The following SHANK2 variants were observed in gnomAD, a reference collection of about 807,000 sequenced individuals.
SHANK2 encodes the protein SH3 and multiple ankyrin repeat domains protein 2.
SHANK2 carries 43 observed loss-of-function variants against 133.7 expected under a neutral mutation model. The ratio of observed to expected loss-of-function variants is 0.32; its 90% CI spans 0.25 to 0.41. The LOEUF (loss-of-function observed/expected upper bound fraction) is 0.41, where lower values mean the gene tolerates loss of function less well. Ranked by LOEUF, SHANK2 falls within the 10% of genes least tolerant of loss-of-function variation. The pLI is 1.00. For synonymous variants in SHANK2, 1,017 were observed against 952.8 expected, an observed-to-expected ratio of 1.07 and a Z score of -1.24; for missense variants, 1,994 against 2,235.8, an observed-to-expected ratio of 0.89 and a Z score of 2.18.
chr11:71,083,267 C>T (rs917537368), intron 8 of SHANK2, among the ~76,000 whole-genome samples: 109 of 152,138 alleles, frequency 7.2e-4, no homozygotes, highest in African/African-American at 2.5e-3. Context: ...CTAATGATGA[C>T]GTCAGACGTG....
intron 2 of SHANK2, among the ~76,000 whole-genome samples, chr11:71,220,636 A>T (rs1182305954): frequency 6.6e-6 from 1 of 152,178 alleles, no homozygotes; most frequent in African/African-American, 2.4e-5. Context: ...TACAATGTGG[A>T]TGACCCTGGA....
At chr11:70,913,688 T>C (rs1023798721) in intron 10 of SHANK2, among the ~76,000 whole-genome samples, 5 of 152,186 alleles carry the variant, frequency 3.3e-5, no homozygotes, top group African/African-American at 1.2e-4. Context: ...AAGAGAAGAT[T>C]CTGAGTTTAG....
intron 17 of SHANK2, among the ~76,000 whole-genome samples, chr11:70,527,222 T>A (rs2059410510): frequency 6.6e-6 from 1 of 152,102 alleles, no homozygotes; most frequent in Non-Finnish European, 1.5e-5. Context: ...TCTGCCTGGG[T>A]CCTGTCCCTG....
intron 10 of SHANK2, chr11:70,910,986 C>G (rs1555078890): frequency 2.2e-6 from 1 of 456,884 alleles, no homozygotes; most frequent in Admixed American, 2.3e-5. Context: ...ATGATGCATC[C>G]CTCTCTAAAC....
intron 14 of SHANK2, among the ~76,000 whole-genome samples, chr11:70,731,741 C>A (rs1555032253): frequency 6.6e-6 from 1 of 152,206 alleles, no homozygotes; most frequent in East Asian, 1.9e-4. Flanking sequence ...GTCTGGACAC[C>A]TGTTTTTAAT....
intron 11 of SHANK2, among the ~76,000 whole-genome samples, chr11:70,867,705 C>T (rs1949389942): frequency 6.6e-6 from 1 of 152,232 alleles, no homozygotes; most frequent in African/African-American, 2.4e-5. Context: ...AAAGCTTTAA[C>T]ATTTACCCAG....
rs112964753 is a variant in SHANK2, at chr11:71,091,404, G to A, written c.912+1018C>T. On this transcript the variant is annotated intron_variant, in intron 8 of 25. Transcript: ENST00000601538. ...CCAGTCTGACCACAGTGGGCAGAGT[G>A]CATAACCTCCCTTACAGGTGTGTAA... 2.4e-3 allele frequency among the ~76,000 whole-genome samples: 367 copies of A among 152,326 alleles called. 4 individuals are homozygous for A. Among genetic ancestry groups the A allele is most frequent in the African/African-American group, 8.3e-3 (347 of 41,564 alleles).
At chr11:70,836,135 G>C (rs559813685) in intron 11 of SHANK2, among the ~76,000 whole-genome samples, 15 of 152,290 alleles carry the variant, frequency 9.8e-5, no homozygotes, top group Admixed American at 9.8e-4. Context: ...CTTGCCCATG[G>C]GGGGCCAGGG....
At position 70,757,447 on chromosome 11, in the gene SHANK2, G is replaced by A. The variant is rs563123314; in HGVS notation, c.1777+40996C>T. Reference sequence around the variant, plus strand: ...AAATGTCCCCTACATGGAGAGGCCGGGACACCCAGCCCTGCGGCAGCAGCT... The same window carrying A: ...AAATGTCCCCTACATGGAGAGGCCGAGACACCCAGCCCTGCGGCAGCAGCT... On this transcript the variant is annotated intron_variant, in intron 14 of 25. Coordinates refer to ENST00000601538, the MANE Select transcript of SHANK2 (RefSeq NM_012309.5). 8.5e-5 allele frequency among the ~76,000 whole-genome samples: 13 copies of A among 152,372 alleles called. No homozygotes were observed. The East Asian group carries it at 2.5e-3, about 29-fold the overall frequency.
intron 21 of SHANK2, among the ~76,000 whole-genome samples, chr11:70,499,543 G>C (rs1421758234): frequency 6.6e-6 from 1 of 152,246 alleles, no homozygotes; most frequent in African/African-American, 2.4e-5. Context: ...CCATGGTGGG[G>C]CATCTTCCTC....
upstream of SHANK2, among the ~76,000 whole-genome samples, chr11:71,253,037 G>A (rs1220923601): frequency 6.6e-6 from 1 of 152,226 alleles, no homozygotes; most frequent in African/African-American, 2.4e-5. Flanking sequence ...CTTTGTACCC[G>A]GGTGATACGC....
chr11:70,551,035 G>C (rs1438404356), intron 17 of SHANK2, among the ~76,000 whole-genome samples: 1 of 152,208 alleles, frequency 6.6e-6, no homozygotes, highest in Non-Finnish European at 1.5e-5. Context: ...AGCGGGGAGG[G>C]CCAAGGGGCT....
rs544344513 is a variant in SHANK2, at chr11:70,592,398, G to T, written c.2061+67430C>A. ...AGAGGCAGGACTTCTGCTGACTCGG[G>T]TGGAGCTTCCACGCAGGCTTTTGGG... is the stretch of plus-strand genomic sequence containing the variant. On this transcript the variant is annotated intron_variant, in intron 17 of 25. Transcript: ENST00000601538. Among the ~76,000 whole-genome samples, 3 of 152,316 alleles carry T rather than the reference G, an allele frequency of 2.0e-5. No homozygotes were observed. The South Asian group carries it at 6.2e-4, about 32-fold the overall frequency.
chr11:71,199,696 G>A (rs906587454), intron 2 of SHANK2, among the ~76,000 whole-genome samples: 5 of 152,202 alleles, frequency 3.3e-5, no homozygotes, highest in African/African-American at 4.8e-5. Context: ...CAGCTGGGTC[G>A]TCAGGAACCG....
chr11:70,883,406 A>G (rs1949687968), intron 11 of SHANK2, among the ~76,000 whole-genome samples: 1 of 152,152 alleles, frequency 6.6e-6, no homozygotes, highest in African/African-American at 2.4e-5. Flanking sequence ...CTCCATCTGT[A>G]GGAAACCAAC....
At chr11:70,613,029 G>A (rs2060682986) in intron 17 of SHANK2, among the ~76,000 whole-genome samples, 1 of 152,178 alleles carries the variant, frequency 6.6e-6, no homozygotes, top group Non-Finnish European at 1.5e-5. Flanking sequence ...GTTATGAACA[G>A]AGGTGCTTGG....
intron 2 of SHANK2, among the ~76,000 whole-genome samples, chr11:71,178,274 C>T (rs138829275): frequency 6.6e-6 from 1 of 152,338 alleles, no homozygotes; most frequent in Non-Finnish European, 1.5e-5. Context: ...AATTCTGACT[C>T]ATGCTACAAC....
intron 25 of SHANK2, among the ~76,000 whole-genome samples, chr11:70,484,100 C>T (rs1056496848): frequency 6.6e-6 from 1 of 152,194 alleles, no homozygotes; most frequent in Non-Finnish European, 1.5e-5. Flanking sequence ...ATGCTGCCAC[C>T]TGGGGAACAG....
intron 4 of SHANK2, among the ~76,000 whole-genome samples, chr11:71,115,722 C>G (rs1555100217): frequency 2.0e-5 from 3 of 152,160 alleles, no homozygotes; most frequent in Non-Finnish European, 4.4e-5. Flanking sequence ...GCTGCAGGTA[C>G]TGGGGCCAGA....
Sources: gnomAD v4.1 joint callset for allele counts (sites outside exome capture counted in the v4.1 genomes callset) on GRCh38, gnomAD v4.1.1 for gene constraint, MANE v1.5 for transcripts, NCBI Gene and HGNC (gene_info 2026-07-23, HGNC 2026-07-21) for gene names.